The following NBAS variants were observed in gnomAD, a reference collection of about 807,000 sequenced individuals.
The protein encoded by NBAS is NBAS subunit of NRZ tethering complex.
Under a neutral mutation model 302.5 loss-of-function variants are expected in NBAS, and 219 were observed. The ratio of observed to expected loss-of-function variants is 0.72; its 90% CI spans 0.65 to 0.81. NBAS has a LOEUF of 0.81. NBAS is among the 30% of genes least tolerant of loss of function. The probability of loss-of-function intolerance (pLI) is 0.00; values close to 1 mark genes in which losing one functional copy is unlikely to be tolerated. For missense variants in NBAS, 2,932 were observed against 2,841.6 expected (o/e 1.03, Z -0.72); for synonymous variants, 1,118 against 1,021.6 (o/e 1.09, Z -1.80).
At chr2:15,560,748 T>C (rs13006997) in intron 1 of NBAS, among the ~76,000 whole-genome samples, 78,721 of 151,860 alleles carry the variant, frequency 0.52, 23,375 homozygotes, top group Non-Finnish European at 0.67. Context: ...AATTCTCCCA[T>C]CGCAGTTGAG....
At chr2:14,834,144 G>A in the NBAS span, among the ~76,000 whole-genome samples, 2 of 152,096 alleles carry the variant, frequency 1.3e-5, no homozygotes, top group African/African-American at 2.4e-5. Flanking sequence ...TTTCTGTCAT[G>A]TATTGAATAA....
At chr2:15,283,734 A>G (rs1294533170) in intron 42 of NBAS, among the ~76,000 whole-genome samples, 4 of 151,956 alleles carry the variant, frequency 2.6e-5, no homozygotes, top group Admixed American at 2.0e-4. Flanking sequence ...AATCTTCACA[A>G]CCCTCTAAGG....
At chr2:15,129,328 G>A in the NBAS span, among the ~76,000 whole-genome samples, 1 of 152,188 alleles carries the variant, frequency 6.6e-6, no homozygotes, top group African/African-American at 2.4e-5. Flanking sequence ...GTAGCTCAGA[G>A]GAAATTCTTC....
At position 15,328,204 on chromosome 2, in the gene NBAS, C is replaced by G; in HGVS notation, c.4456G>C (p.Ala1486Pro). 1.2e-6 allele frequency: 2 copies of G among 1,612,984 alleles called. No homozygotes were observed. The highest frequency in any genetic ancestry group is 1.7e-6 in the Non-Finnish European group (2 of 1,179,206). ...CCTAGACACGCTGTCCTTACCTCAG[C>G]GACAAAAGGATTTGAGATGACAGAT... ...YESVISNPFV[A>P]ESEGTYDTYQ... Residue 1486 changes from alanine to proline, a missense_variant, in exon 37 of 52, where the codon GCT (alanine) becomes CCT (proline). Ala to Pro is a conservative substitution (Grantham distance 27, BLOSUM62 -1). Transcript: ENST00000281513.
the NBAS span, among the ~76,000 whole-genome samples, chr2:14,963,868 G>T: frequency 6.6e-6 from 1 of 152,176 alleles, no homozygotes; most frequent in Non-Finnish European, 1.5e-5. Context: ...TACTGATTCT[G>T]TGAGTCTCCC....
At chr2:15,361,924 A>C (rs1572719465) in intron 32 of NBAS, among the ~76,000 whole-genome samples, 1 of 151,902 alleles carries the variant, frequency 6.6e-6, no homozygotes, top group Non-Finnish European at 1.5e-5. Flanking sequence ...AGGTTGCAGT[A>C]AGCTGAGATC....
intron 25 of NBAS, among the ~76,000 whole-genome samples, chr2:15,405,712 G>A (rs544926127): frequency 5.1e-4 from 78 of 152,158 alleles, no homozygotes; most frequent in Non-Finnish European, 9.1e-4. Flanking sequence ...ATATCCCAAA[G>A]AATCAAGCAA....
At chr2:14,870,699 A>G in the NBAS span, among the ~76,000 whole-genome samples, 6 of 152,178 alleles carry the variant, frequency 3.9e-5, no homozygotes, top group African/African-American at 1.4e-4. Flanking sequence ...TCCAGTATGC[A>G]ATAACATAAA....
chr2:15,417,407 CTTTA>C, intron 24 of NBAS, 116 bp downstream of exon 24: 1 of 884,562 alleles, frequency 1.1e-6, no homozygotes, highest in East Asian at 2.7e-5. Flanking sequence ...AAAAGTCAAT[CTTTA>C]TTTACTAACT....
At chr2:15,286,990 C>T in intron 42 of NBAS, 83 bp downstream of exon 42, 1 of 1,170,398 alleles carries the variant, frequency 8.5e-7, no homozygotes, top group Non-Finnish European at 1.3e-6. Flanking sequence ...TAAAATTGTA[C>T]TTTACAACTT....
chr2:15,501,580 A>G (rs1661554884), intron 11 of NBAS, among the ~76,000 whole-genome samples: 1 of 139,296 alleles, frequency 7.2e-6, no homozygotes, highest in Non-Finnish European at 1.6e-5. Context: ...TAAATGAACT[A>G]AATATTTTTT....
At chr2:15,345,408 C>A (rs1673043742) in intron 35 of NBAS, among the ~76,000 whole-genome samples, 1 of 151,986 alleles carries the variant, frequency 6.6e-6, no homozygotes, top group Non-Finnish European at 1.5e-5. Context: ...TTCATAATTG[C>A]TACAAAGAGA....
the NBAS span, among the ~76,000 whole-genome samples, chr2:14,957,889 T>C: frequency 1.3e-5 from 2 of 152,152 alleles, no homozygotes; most frequent in African/African-American, 4.8e-5. Flanking sequence ...CCTTGAAGCA[T>C]AGCAACATTT....
chr2:15,323,506 CCAAA>C (rs1335915936), intron 38 of NBAS, among the ~76,000 whole-genome samples: 1 of 152,148 alleles, frequency 6.6e-6, no homozygotes, highest in Non-Finnish European at 1.5e-5. Flanking sequence ...GTGAAACTTT[CCAAA>C]CAGTCTTCAC....
chr2:14,959,140 G>A, the NBAS span, among the ~76,000 whole-genome samples: 5 of 152,166 alleles, frequency 3.3e-5, no homozygotes, highest in Non-Finnish European at 1.5e-5. Flanking sequence ...CAGTTGGTTT[G>A]GTGATCTTGC....
intron 16 of NBAS, among the ~76,000 whole-genome samples, chr2:15,470,689 T>C (rs1019245016): frequency 6.6e-6 from 1 of 152,194 alleles, no homozygotes; most frequent in Non-Finnish European, 1.5e-5. Context: ...AAATCTTCCA[T>C]CTCTACCAGA....
the NBAS span, among the ~76,000 whole-genome samples, chr2:15,095,705 C>T: frequency 1.2e-4 from 18 of 152,292 alleles, no homozygotes; most frequent in East Asian, 2.9e-3. Context: ...TAAGCACCAA[C>T]GCCCCTCTTA....
chr2:15,181,090 C>T (rs1664798307), intron 50 of NBAS, among the ~76,000 whole-genome samples: 1 of 152,162 alleles, frequency 6.6e-6, no homozygotes, highest in African/African-American at 2.4e-5. Flanking sequence ...AATATTGTTC[C>T]TTCTCTGTAT....
In NBAS at chr2:15,488,786, C is replaced by T. The variant is rs79729736; in HGVS notation, c.1083+108G>A. 8,641 of 1,390,228 alleles carry T rather than the reference C, an allele frequency of 6.2e-3. 172 individuals carry two copies. The highest frequency in any genetic ancestry group is 0.049 in the East Asian group (2,010 of 41,124). 86.1% of individuals were successfully genotyped at this position (1,390,228 alleles called of 1,614,324 possible). On this transcript the variant is annotated intron_variant, in intron 12 of 51. Coordinates refer to ENST00000281513, the MANE Select transcript of NBAS (RefSeq NM_015909.4). ...TTTAAAGGATAGAAGAGCTTTGGAA[C>T]GATGAGAATAAACAGCTGTGTACTA... is the stretch of plus-strand genomic sequence containing the variant.
Sources: allele counts gnomAD v4.1 joint callset (sites outside exome capture counted in the v4.1 genomes callset), GRCh38; gene constraint gnomAD v4.1.1; transcripts MANE v1.5; gene names NCBI Gene and HGNC (gene_info 2026-07-23, HGNC 2026-07-21).